CAST: variants seen among roughly 807,000 people sequenced by gnomAD.
CAST encodes the protein MIR583 host.
In CAST, 76 loss-of-function variants were observed where a neutral mutation model predicts 119.6. The ratio of observed to expected loss-of-function variants is 0.64; its 90% CI spans 0.53 to 0.77. The LOEUF is 0.77. Among genes scored for constraint, CAST ranks in the 30% least tolerant of loss-of-function variants. The pLI, the probability that CAST is intolerant of heterozygous loss-of-function variation, is 0.00. For missense variants in CAST, 953 were observed against 946.5 expected (o/e 1.01, Z -0.09); for synonymous variants, 319 against 331.6 (o/e 0.96, Z 0.41).
chr5:96,770,307 A>G (rs373571655), intron 29 of CAST: 29 of 506,716 alleles, frequency 5.7e-5, no homozygotes, highest in Admixed American at 3.5e-4. Flanking sequence ...TAGAGCATCA[A>G]TGTCACCCAC....
chr5:96,276,372 C>T, the CAST span, among the ~76,000 whole-genome samples: 1 of 152,132 alleles, frequency 6.6e-6, no homozygotes, highest in Admixed American at 6.5e-5. Flanking sequence ...AGCAATAAGT[C>T]TTTAAACTTT....
the CAST span, among the ~76,000 whole-genome samples, chr5:96,397,793 G>T: frequency 6.6e-6 from 1 of 150,776 alleles, no homozygotes; most frequent in African/African-American, 2.5e-5. Flanking sequence ...TTTACAAATT[G>T]AATTAGAGAG....
chr5:96,446,625 C>G, the CAST span, among the ~76,000 whole-genome samples: 9 of 152,148 alleles, frequency 5.9e-5, no homozygotes, highest in Admixed American at 3.9e-4. Flanking sequence ...AAATTTAAAT[C>G]TCACTGTGGA....
chr5:96,046,450 C>G, the CAST span, among the ~76,000 whole-genome samples: 1 of 152,092 alleles, frequency 6.6e-6, no homozygotes, highest in Non-Finnish European at 1.5e-5. Flanking sequence ...TTAAAGTGCA[C>G]TCCACATTCC....
At chr5:96,336,101 T>G in the CAST span, among the ~76,000 whole-genome samples, 1 of 151,768 alleles carries the variant, frequency 6.6e-6, no homozygotes, top group African/African-American at 2.4e-5. Context: ...CTTGCTAAAG[T>G]CATTCTGAAT....
chr5:96,411,907 T>G, the CAST span, among the ~76,000 whole-genome samples: 2 of 152,178 alleles, frequency 1.3e-5, no homozygotes, highest in Non-Finnish European at 2.9e-5. Context: ...CCTTCTGGGT[T>G]CAAGCAATTC....
At chr5:96,666,459 G>A (rs1398310333) in intron 1 of CAST, among the ~76,000 whole-genome samples, 4 of 152,234 alleles carry the variant, frequency 2.6e-5, no homozygotes. Context: ...CCTAGTGACA[G>A]CATGATCAAG....
At chr5:96,276,616 C>T in the CAST span, among the ~76,000 whole-genome samples, 1 of 152,198 alleles carries the variant, frequency 6.6e-6, no homozygotes, top group Non-Finnish European at 1.5e-5. Flanking sequence ...CTGTACTCTA[C>T]TATTGCTGAA....
the CAST span, among the ~76,000 whole-genome samples, chr5:96,084,311 G>A: frequency 4.6e-5 from 7 of 152,134 alleles, no homozygotes; most frequent in South Asian, 2.1e-4. Context: ...AGGTATGTTG[G>A]GGCTGGCCAG....
At chr5:96,477,445 A>T in the CAST span, among the ~76,000 whole-genome samples, 2 of 152,218 alleles carry the variant, frequency 1.3e-5, no homozygotes, top group African/African-American at 2.4e-5. Flanking sequence ...TTTCTTACAC[A>T]GTAGTTACTT....
chr5:96,478,309 G>A, the CAST span, among the ~76,000 whole-genome samples: 2 of 152,282 alleles, frequency 1.3e-5, no homozygotes, highest in Admixed American at 6.5e-5. Context: ...AAAAATAAGT[G>A]CATTTCATGC....
At chr5:96,706,897 T>TG (rs1755086340) in intron 3 of CAST, among the ~76,000 whole-genome samples, 2 of 152,232 alleles carry the variant, frequency 1.3e-5, no homozygotes, top group South Asian at 4.1e-4. Flanking sequence ...CATTTTGTCC[T>TG]GGGGCTCTAC....
At chr5:96,068,317 C>T in the CAST span, among the ~76,000 whole-genome samples, 1 of 152,108 alleles carries the variant, frequency 6.6e-6, no homozygotes, top group Admixed American at 6.6e-5. Flanking sequence ...TGAACAGTGT[C>T]TGTCTTGGGT....
At chr5:96,095,686 C>G in the CAST span, among the ~76,000 whole-genome samples, 1 of 150,490 alleles carries the variant, frequency 6.6e-6, no homozygotes, top group East Asian at 2.0e-4. Flanking sequence ...ATGCTAGGCA[C>G]CAAAAAGAAA....
At chr5:96,293,675 T>C in the CAST span, among the ~76,000 whole-genome samples, 1 of 152,198 alleles carries the variant, frequency 6.6e-6, no homozygotes, top group African/African-American at 2.4e-5. Flanking sequence ...TATACTAAGA[T>C]AGTATTTAGA....
the CAST span, among the ~76,000 whole-genome samples, chr5:96,129,613 C>T: frequency 6.6e-6 from 1 of 152,082 alleles, no homozygotes; most frequent in Non-Finnish European, 1.5e-5. Flanking sequence ...TAAGAGTGAT[C>T]ATCAGTGGCA....
chr5:96,668,172 A>C (rs866386087), intron 1 of CAST, among the ~76,000 whole-genome samples: 20 of 134,346 alleles, frequency 1.5e-4, no homozygotes, highest in African/African-American at 2.7e-4. Context: ...ACACACACAC[A>C]CCCTTTCAAC....
the CAST span, among the ~76,000 whole-genome samples, chr5:96,103,559 C>A: frequency 6.7e-6 from 1 of 150,242 alleles, no homozygotes; most frequent in African/African-American, 2.4e-5. Flanking sequence ...CATAGTATTC[C>A]ATGGTGTATA....
Position 96,707,791 on chromosome 5 carries a change from G to T in CAST, c.210+11884G>T, listed in dbSNP as rs543559373. Among the ~76,000 whole-genome samples the T allele has an allele frequency of 2.4e-4, 36 of 152,112 alleles. No homozygotes were observed. The South Asian group carries it at 7.5e-3, about 32-fold the overall frequency. ...AGTATTCTCCCTGAGCTCTATAATG[G>T]ACTGAGGTCCCCCATACCAGTGACT... is the stretch of plus-strand genomic sequence containing the variant. On this transcript the variant is annotated intron_variant, in intron 3 of 31. Coordinates refer to ENST00000675179, the MANE Select transcript of CAST (RefSeq NM_001750.7).
Sources: allele counts gnomAD v4.1 joint callset (sites outside exome capture counted in the v4.1 genomes callset), GRCh38; gene constraint gnomAD v4.1.1; transcripts MANE v1.5; gene names NCBI Gene and HGNC (gene_info 2026-07-23, HGNC 2026-07-21).